Variants in POU2AF2 observed in about 807,000 individuals in gnomAD.
The protein encoded by POU2AF2 is POU class 2 homeobox associating factor 2, also known as POU domain class 2-associating factor 2.
chr11:111,267,713 C>T, the POU2AF2 span, among the ~76,000 whole-genome samples: 2 of 152,110 alleles, frequency 1.3e-5, no homozygotes, highest in African/African-American at 4.8e-5. Flanking sequence ...CTCTGGTGAC[C>T]CACCCCTTCA....
At chr11:111,271,467 G>C in the POU2AF2 span, among the ~76,000 whole-genome samples, 4 of 151,844 alleles carry the variant, frequency 2.6e-5, no homozygotes, top group Non-Finnish European at 4.4e-5. Flanking sequence ...TGTTACCCAG[G>C]CTGGAGTGCA....
the POU2AF2 span, among the ~76,000 whole-genome samples, chr11:111,276,613 G>T: frequency 8.9e-5 from 13 of 145,896 alleles, 1 homozygote; most frequent in South Asian, 2.9e-3. Context: ...ATGCACTCCA[G>T]CCTGGGTGAC....
chr11:111,273,888 C>G, the POU2AF2 span, among the ~76,000 whole-genome samples: 1 of 152,156 alleles, frequency 6.6e-6, no homozygotes, highest in Non-Finnish European at 1.5e-5. Flanking sequence ...ATATAAACCT[C>G]TAAATTTGGC....
At chr11:111,260,867 A>T in the POU2AF2 span, among the ~76,000 whole-genome samples, 1 of 152,244 alleles carries the variant, frequency 6.6e-6, no homozygotes, top group Non-Finnish European at 1.5e-5. Context: ...GGCATACTTC[A>T]GGAAGTATCT....
At chr11:111,268,477 TTTTTATTTTA>T in the POU2AF2 span, among the ~76,000 whole-genome samples, 1,256 of 77,374 alleles carry the variant, frequency 0.016, 24 homozygotes, top group African/African-American at 0.027. Flanking sequence ...CATTTTTCTT[TTTTTATTTTA>T]TTTTATTTTA....
At chr11:111,253,606 T>A in the POU2AF2 span, among the ~76,000 whole-genome samples, 3 of 152,228 alleles carry the variant, frequency 2.0e-5, no homozygotes, top group Non-Finnish European at 4.4e-5. Context: ...AGAACCCTCC[T>A]GACTGATCTT....
chr11:111,252,366 T>C, the POU2AF2 span, among the ~76,000 whole-genome samples: 3 of 152,118 alleles, frequency 2.0e-5, no homozygotes, highest in Admixed American at 1.3e-4. Flanking sequence ...ATTCGGTACA[T>C]TTGGAGTAGG....
At chr11:111,264,934 AAG>A in the POU2AF2 span, among the ~76,000 whole-genome samples, 2 of 136,574 alleles carry the variant, frequency 1.5e-5, no homozygotes, top group African/African-American at 2.7e-5. Context: ...AGAAGAAAGA[AAG>A]AGGGAGGGAG....
the POU2AF2 span, among the ~76,000 whole-genome samples, chr11:111,270,203 G>C: frequency 6.6e-6 from 1 of 152,166 alleles, no homozygotes. Flanking sequence ...TTATTAAAGA[G>C]AAATTAAGTT....
chr11:111,280,040 CAAAA>C, the POU2AF2 span, among the ~76,000 whole-genome samples: 595 of 72,538 alleles, frequency 8.2e-3, 12 homozygotes, highest in African/African-American at 0.025. Context: ...GACTCCATCT[CAAAA>C]AAAAAAAAAA....
the POU2AF2 span, among the ~76,000 whole-genome samples, chr11:111,250,866 A>T: frequency 6.6e-6 from 1 of 152,226 alleles, no homozygotes; most frequent in Non-Finnish European, 1.5e-5. Flanking sequence ...AGGCAGAAGT[A>T]TTCTTGGGGC....
the POU2AF2 span, chr11:111,281,272 G>A: frequency 1.5e-6 from 1 of 681,586 alleles, no homozygotes; most frequent in East Asian, 3.0e-5. Flanking sequence ...TGACCTGAGG[G>A]TCAACCCAAC....
the POU2AF2 span, among the ~76,000 whole-genome samples, chr11:111,251,980 T>C: frequency 6.6e-6 from 1 of 152,254 alleles, no homozygotes; most frequent in Non-Finnish European, 1.5e-5. Flanking sequence ...TTTGTTAAAC[T>C]TATTTAGAAT....
the POU2AF2 span, chr11:111,284,442 G>C: frequency 2.7e-6 from 4 of 1,484,276 alleles, no homozygotes; most frequent in Non-Finnish European, 3.6e-6. Context: ...CTGGCCAGCC[G>C]CTGTGCTTGG....
At chr11:111,284,720 G>A in the POU2AF2 span, among the ~76,000 whole-genome samples, 2 of 152,214 alleles carry the variant, frequency 1.3e-5, no homozygotes, top group Admixed American at 1.3e-4. Flanking sequence ...CCTAAGGAAG[G>A]AACACTGAAG....
chr11:111,252,379 C>G, the POU2AF2 span, among the ~76,000 whole-genome samples: 3 of 152,088 alleles, frequency 2.0e-5, no homozygotes, highest in Non-Finnish European at 2.9e-5. Flanking sequence ...GGAGTAGGGT[C>G]GGCGAATTTG....
the POU2AF2 span, among the ~76,000 whole-genome samples, chr11:111,251,484 GA>G: frequency 6.6e-6 from 1 of 152,222 alleles, no homozygotes. Flanking sequence ...CTGGGCTGGA[GA>G]TACCCATTTG....
At chr11:111,277,336 G>A in the POU2AF2 span, among the ~76,000 whole-genome samples, 1 of 152,284 alleles carries the variant, frequency 6.6e-6, no homozygotes, top group South Asian at 2.1e-4. Flanking sequence ...AGAGTCTTCT[G>A]GTATAAAAAT....
At chr11:111,249,939 T>C in the POU2AF2 span, among the ~76,000 whole-genome samples, 1 of 152,180 alleles carries the variant, frequency 6.6e-6, no homozygotes, top group African/African-American at 2.4e-5. Context: ...TACAAAGTCT[T>C]CCTTGGAGAA....
Sources: allele counts gnomAD v4.1 joint callset (sites outside exome capture counted in the v4.1 genomes callset), GRCh38; gene constraint gnomAD v4.1.1; transcripts MANE v1.5; gene names NCBI Gene and HGNC (gene_info 2026-07-23, HGNC 2026-07-21).